Variants in ASIC2 observed in about 807,000 individuals in gnomAD.
The protein encoded by ASIC2 is acid-sensing ion channel 2.
In ASIC2, 25 loss-of-function variants were observed where a neutral mutation model predicts 57.3. That is an observed-to-expected ratio of 0.44 (90% CI 0.32 to 0.61). ASIC2 has a LOEUF of 0.61. Ranked by LOEUF, ASIC2 falls within the 20% of genes least tolerant of loss-of-function variation. The pLI is 0.06. For synonymous variants in ASIC2, 319 were observed against 307.5 expected (o/e 1.04, Z -0.39); for missense variants, 641 against 738.1 (o/e 0.87, Z 1.52).
chr17:33,784,853 G>A (rs923909642), intron 1 of ASIC2, among the ~76,000 whole-genome samples: 1 of 152,166 alleles, frequency 6.6e-6, no homozygotes, highest in African/African-American at 2.4e-5. Context: ...AGTGAAGTGT[G>A]CAGGACCTTA....
intron 1 of ASIC2, among the ~76,000 whole-genome samples, chr17:33,871,429 C>T (rs570559393): frequency 1.3e-5 from 2 of 152,338 alleles, no homozygotes; most frequent in South Asian, 2.1e-4. Context: ...GTCAACCCCA[C>T]CTCCTTCTCC....
chr17:33,433,885 C>A (rs763344395), intron 1 of ASIC2, among the ~76,000 whole-genome samples: 3 of 145,748 alleles, frequency 2.1e-5, no homozygotes, highest in African/African-American at 7.7e-5. Context: ...GTTAAAAAAA[C>A]AATGGCTTAG....
At chr17:33,732,797 C>T (rs541026659) in intron 1 of ASIC2, among the ~76,000 whole-genome samples, 93 of 152,224 alleles carry the variant, frequency 6.1e-4, no homozygotes, top group African/African-American at 2.2e-3. Flanking sequence ...ACCACCAAGC[C>T]TGGCTAATAT....
chr17:33,295,328 G>A (rs1905680493), upstream of ASIC2, among the ~76,000 whole-genome samples: 3 of 152,182 alleles, frequency 2.0e-5, no homozygotes, highest in South Asian at 6.2e-4. Flanking sequence ...AGACACACGG[G>A]CAGCTAGTGA....
intron 1 of ASIC2, among the ~76,000 whole-genome samples, chr17:33,185,457 G>A (rs905791002): frequency 4.6e-5 from 7 of 152,106 alleles, no homozygotes; most frequent in Non-Finnish European, 1.0e-4. Flanking sequence ...CAGGCAGTAC[G>A]GGGCAATGCT....
At chr17:33,506,845 TA>T (rs963045402) in intron 1 of ASIC2, among the ~76,000 whole-genome samples, 5 of 152,300 alleles carry the variant, frequency 3.3e-5, no homozygotes, top group Admixed American at 3.3e-4. Flanking sequence ...AGATGCTCAA[TA>T]AATAGCATGC....
intron 1 of ASIC2, among the ~76,000 whole-genome samples, chr17:33,965,176 G>A (rs1905040061): frequency 6.6e-6 from 1 of 152,204 alleles, no homozygotes; most frequent in East Asian, 1.9e-4. Flanking sequence ...TAGCTAATGG[G>A]AAAAGTGCTG....
intron 1 of ASIC2, among the ~76,000 whole-genome samples, chr17:33,370,274 T>A (rs1417787111): frequency 2.0e-5 from 3 of 152,084 alleles, no homozygotes; most frequent in Non-Finnish European, 2.9e-5. Flanking sequence ...CTCACAATGC[T>A]CCCTAAATGA....
intron 1 of ASIC2, among the ~76,000 whole-genome samples, chr17:33,432,980 G>A (rs1911471623): frequency 1.3e-5 from 2 of 152,152 alleles, no homozygotes; most frequent in African/African-American, 2.4e-5. Context: ...CAACCATTGT[G>A]GAAAACGGTG....
At chr17:33,264,813 T>C (rs1166148860) in intron 1 of ASIC2, among the ~76,000 whole-genome samples, 1 of 152,162 alleles carries the variant, frequency 6.6e-6, no homozygotes. Flanking sequence ...GGCTTTAGGG[T>C]GTGAGTCTAG....
intron 3 of ASIC2, among the ~76,000 whole-genome samples, chr17:33,050,891 G>T (rs958654519): frequency 6.6e-6 from 1 of 152,014 alleles, no homozygotes; most frequent in Non-Finnish European, 1.5e-5. Context: ...GCATAGATTA[G>T]GTATGAGGTA....
At chr17:33,135,047 C>T (rs563420849) in intron 1 of ASIC2, among the ~76,000 whole-genome samples, 2 of 152,228 alleles carry the variant, frequency 1.3e-5, no homozygotes, top group Non-Finnish European at 1.5e-5. Context: ...CACTGTGACT[C>T]GGAGAAGAAA....
At chr17:34,038,770 A>T (rs1907987579) in intron 1 of ASIC2, 1 of 1,611,290 alleles carries the variant, frequency 6.2e-7, no homozygotes, top group Admixed American at 1.7e-5. Context: ...TTTCAGCTCC[A>T]TTGGTCTTGC....
chr17:33,542,112 TG>T (rs1915430755), intron 1 of ASIC2, among the ~76,000 whole-genome samples: 2 of 151,920 alleles, frequency 1.3e-5, no homozygotes, highest in African/African-American at 4.8e-5. Flanking sequence ...TTCCAATTAG[TG>T]GGAAGCAAAA....
rs1047997350 is a variant in ASIC2 at position 34,156,667 on chromosome 17, A to G, written c.-135T>C. On this transcript the variant is annotated 5_prime_UTR_variant, in exon 1 of 10. Transcript: ENST00000359872. This position sits in a 1 kb window ranked among gnomAD's most constrained non-coding sequence, Gnocchi z 4.4. The stretch of plus-strand genomic sequence containing the variant: ...GGCAAGCATCGCGCCAGATGCTGTG[A>G]GTTTATCCTGAGAGCCCAGCCGCAC... The G allele has an allele frequency of 1.1e-6, 1 of 944,762 alleles. No individual in the cohort carries two copies. The highest frequency in any genetic ancestry group is 1.5e-6 in the Non-Finnish European group (1 of 649,546). 58.5% of individuals were successfully genotyped at this position (944,762 alleles called of 1,614,324 possible).
intron 1 of ASIC2, chr17:33,931,219 C>G (rs1915924896): frequency 6.6e-6 from 1 of 152,194 alleles, no homozygotes; most frequent in Non-Finnish European, 1.5e-5. Context: ...ATTCCTGTCC[C>G]TTTTAAGGGC....
intron 1 of ASIC2, among the ~76,000 whole-genome samples, chr17:33,389,909 C>T (rs908733842): frequency 1.7e-4 from 26 of 152,198 alleles, no homozygotes; most frequent in African/African-American, 6.3e-4. Flanking sequence ...TACACTTCAT[C>T]AAGCAAGTAC....
chr17:34,099,117 AGAGAGAGAGAGAGAGAGAGAGAGAG>A (rs1567820622), intron 1 of ASIC2, among the ~76,000 whole-genome samples: 77 of 27,134 alleles, frequency 2.8e-3, no homozygotes, highest in African/African-American at 9.3e-3. Flanking sequence ...AGAGAGAGAG[AGAGAGAGAGAGAGAGAGAGAGAGAG>A]AGACAGAGAG....
At chr17:33,516,377 T>A (rs1023555557) in intron 1 of ASIC2, among the ~76,000 whole-genome samples, 3 of 146,206 alleles carry the variant, frequency 2.1e-5, no homozygotes, top group African/African-American at 7.8e-5. Context: ...TGAGTGTGAA[T>A]GTGTGTTTGT....
Sources: allele counts gnomAD v4.1 joint callset (sites outside exome capture counted in the v4.1 genomes callset), GRCh38; gene constraint gnomAD v4.1.1; non-coding constraint Gnocchi (gnomAD v3.1); transcripts MANE v1.5; gene names NCBI Gene and HGNC (gene_info 2026-07-23, HGNC 2026-07-21).